The following CNTNAP2 variants were observed in gnomAD, a reference collection of about 807,000 sequenced individuals.
CNTNAP2 encodes contactin-associated protein-like 2.
A neutral mutation model predicts 155.2 loss-of-function variants in CNTNAP2; 98 were observed. The ratio of observed to expected loss-of-function variants is 0.63; its 90% CI spans 0.54 to 0.75. The LOEUF is 0.75. Among genes scored for constraint, CNTNAP2 ranks in the 30% least tolerant of loss-of-function variants. CNTNAP2 has a pLI of 0.00. For synonymous variants in CNTNAP2, 651 were observed against 631.2 expected (o/e 1.03, Z -0.47); for missense variants, 1,727 against 1,688.1 (o/e 1.02, Z -0.40).
chr7:148,080,479 C>T (rs1803574973), intron 15 of CNTNAP2, among the ~76,000 whole-genome samples: 1 of 151,772 alleles, frequency 6.6e-6, no homozygotes, highest in South Asian at 2.1e-4. Context: ...GGTGGCGGCG[C>T]CTGTAGTCCC....
At chr7:146,343,158 T>C in intron 1 of CNTNAP2, among the ~76,000 whole-genome samples, 1 of 152,204 alleles carries the variant, frequency 6.6e-6, no homozygotes, top group Non-Finnish European at 1.5e-5. Flanking sequence ...TAATAGATTA[T>C]TTCTTCTGCT....
At position 146,781,251 on chromosome 7, in the gene CNTNAP2, A is replaced by AT. The variant is rs1350094322; in HGVS notation, c.208+6870_208+6871insT. On this transcript the variant is annotated intron_variant, in intron 2 of 23. Coordinates refer to ENST00000361727, the MANE Select transcript of CNTNAP2 (RefSeq NM_014141.6). Reference sequence around the variant, plus strand: ...TCAAAAAAAAAAAAACAAAAAAAAAACACCCTAGGTGACAGGTTGATAGGT... The same window carrying AT: ...TCAAAAAAAAAAAAACAAAAAAAAAATCACCCTAGGTGACAGGTTGATAGGT... Among the ~76,000 whole-genome samples the AT allele has an allele frequency of 2.6e-5, 4 of 151,480 alleles. No homozygotes were observed. The East Asian group carries it at 7.8e-4, about 30-fold the overall frequency.
intron 1 of CNTNAP2, among the ~76,000 whole-genome samples, chr7:146,233,457 T>A (rs1006528492): frequency 1.0e-5 from 1 of 96,862 alleles, no homozygotes; most frequent in African/African-American, 3.0e-5. Context: ...GAATATACTC[T>A]GTGACTCTTT....
chr7:147,990,058 T>TC (rs1326682609), intron 15 of CNTNAP2, among the ~76,000 whole-genome samples: 2 of 61,822 alleles, frequency 3.2e-5, no homozygotes, highest in Non-Finnish European at 5.4e-5. Context: ...TGACTACAAA[T>TC]TTGGGGTTGC....
chr7:148,364,560 T>C (rs1423676857), intron 21 of CNTNAP2, among the ~76,000 whole-genome samples: 1 of 152,156 alleles, frequency 6.6e-6, no homozygotes, highest in Non-Finnish European at 1.5e-5. Context: ...AGCTCAAGGT[T>C]TGTGAATGCA....
At chr7:146,993,090 C>G (rs1427348352) in intron 3 of CNTNAP2, among the ~76,000 whole-genome samples, 3 of 152,088 alleles carry the variant, frequency 2.0e-5, no homozygotes, top group Non-Finnish European at 4.4e-5. Context: ...GGCAATAGAG[C>G]ATGAGTAAAA....
chr7:146,882,222 G>A (rs1054568341), intron 3 of CNTNAP2, among the ~76,000 whole-genome samples: 2 of 152,146 alleles, frequency 1.3e-5, no homozygotes, highest in Non-Finnish European at 2.9e-5. Flanking sequence ...TGATAGGCAC[G>A]TGGGTTGATT....
At chr7:148,177,059 C>T (rs1249756283) in intron 18 of CNTNAP2, among the ~76,000 whole-genome samples, 3 of 152,176 alleles carry the variant, frequency 2.0e-5, no homozygotes, top group African/African-American at 4.8e-5. Flanking sequence ...TGTGTGTCTT[C>T]TCTGTGTGTT....
At position 146,116,995 on chromosome 7, in the gene CNTNAP2, C is replaced by T. The variant is rs375492857; in HGVS notation, c.97+22C>T. ...TCCCGTAAGTAGCCGTCTCCTCGCT[C>T]TGCTCTGGAGCAGTTTCAGTGCGGC... On this transcript the variant is annotated intron_variant, in intron 1 of 23. Transcript: ENST00000361727. This position sits in a 1 kb window ranked among gnomAD's most constrained non-coding sequence, Gnocchi z 5.5. 3.6e-4 allele frequency: 549 copies of T among 1,544,646 alleles called. 3 individuals are homozygous for T. The African/African-American group carries it at 6.9e-3, about 19-fold the overall frequency.
intron 1 of CNTNAP2, among the ~76,000 whole-genome samples, chr7:146,501,170 AT>A (rs1189877822): frequency 1.3e-5 from 2 of 152,042 alleles, no homozygotes; most frequent in Non-Finnish European, 2.9e-5. Context: ...AGAAATATTG[AT>A]TTATAGTTTT....
rs145474342 is a variant in CNTNAP2 at position 148,339,451 on chromosome 7, C to A, written c.3476-44198C>A. On this transcript the variant is annotated intron_variant, in intron 21 of 23. Coordinates refer to ENST00000361727, the MANE Select transcript of CNTNAP2 (RefSeq NM_014141.6). ...CCCCGGGTTTTGCGTCCTCCCCTCA[C>A]CTGCCTTTCAGTGGTGCGGGGTTTG... The A allele has an allele frequency of 1.1e-3, 163 of 152,394 alleles. 1 individual carries two copies. Among genetic ancestry groups the A allele is most frequent in the African/African-American group, 3.7e-3 (155 of 41,576 alleles). The allele number at this position is 152,394 out of a possible 1,614,324, so 9.4% of individuals were successfully genotyped here.
At chr7:147,169,959 G>T (rs1299456956) in intron 8 of CNTNAP2, among the ~76,000 whole-genome samples, 1 of 151,980 alleles carries the variant, frequency 6.6e-6, no homozygotes. Flanking sequence ...AGTTATTTAA[G>T]ATTGCTTAAG....
At chr7:147,238,158 G>A (rs1282148105) in intron 8 of CNTNAP2, among the ~76,000 whole-genome samples, 1 of 152,164 alleles carries the variant, frequency 6.6e-6, no homozygotes, top group East Asian at 1.9e-4. Flanking sequence ...GGGACTACAG[G>A]CGCCCGCCAC....
intron 1 of CNTNAP2, among the ~76,000 whole-genome samples, chr7:146,244,208 A>C (rs1172174690): frequency 6.6e-6 from 1 of 152,152 alleles, no homozygotes; most frequent in African/African-American, 2.4e-5. Flanking sequence ...CCTGCCAGCA[A>C]AGATTATTTA....
At chr7:148,061,589 A>C (rs554176014) in intron 15 of CNTNAP2, among the ~76,000 whole-genome samples, 1 of 152,120 alleles carries the variant, frequency 6.6e-6, no homozygotes, top group Middle Eastern at 3.4e-3. Flanking sequence ...TCCTGATCTC[A>C]AGTGATCCAC....
At chr7:147,875,481 CAT>C (rs1799407721) in intron 13 of CNTNAP2, among the ~76,000 whole-genome samples, 1 of 152,164 alleles carries the variant, frequency 6.6e-6, no homozygotes, top group Non-Finnish European at 1.5e-5. Flanking sequence ...TCCCACAACA[CAT>C]GGGGATTATG....
At chr7:147,128,952 C>G in intron 7 of CNTNAP2, 116 bp downstream of exon 7, 3 of 1,344,212 alleles carry the variant, frequency 2.2e-6, no homozygotes, top group Middle Eastern at 1.9e-4. Context: ...TGTGTTTGGG[C>G]AAAATGATGT....
intron 6 of CNTNAP2, among the ~76,000 whole-genome samples, chr7:147,124,135 A>G (rs1801184808): frequency 6.6e-6 from 1 of 152,184 alleles, no homozygotes; most frequent in Non-Finnish European, 1.5e-5. Context: ...ATATCCACAC[A>G]CTAACTATAC....
At chr7:146,841,945 T>G (rs143569271) in intron 3 of CNTNAP2, among the ~76,000 whole-genome samples, 4 of 151,678 alleles carry the variant, frequency 2.6e-5, no homozygotes, top group Admixed American at 2.6e-4. Context: ...TGCAGTGGTG[T>G]GATCTTGGCT....
Sources: allele counts gnomAD v4.1 joint callset (sites outside exome capture counted in the v4.1 genomes callset), GRCh38; gene constraint gnomAD v4.1.1; non-coding constraint Gnocchi (gnomAD v3.1); transcripts MANE v1.5; gene names NCBI Gene and HGNC (gene_info 2026-07-23, HGNC 2026-07-21).